The following PAK1 variants were observed in gnomAD, a reference collection of about 807,000 sequenced individuals.
PAK1 encodes serine/threonine-protein kinase PAK 1.
Under a neutral mutation model 67.4 loss-of-function variants are expected in PAK1, and 29 were observed. That is an observed-to-expected ratio of 0.43 (90% CI 0.32 to 0.59). PAK1 has a LOEUF of 0.59. PAK1 is among the 20% of genes least tolerant of loss of function. The pLI is 0.07. For missense variants in PAK1, 337 were observed against 670.7 expected, an observed-to-expected ratio of 0.50 and a Z score of 5.50; for synonymous variants, 223 against 237.4, an observed-to-expected ratio of 0.94 and a Z score of 0.56.
chr11:77,331,338 A>G (rs1941465331), intron 14 of PAK1, among the ~76,000 whole-genome samples: 1 of 152,258 alleles, frequency 6.6e-6, no homozygotes, highest in Non-Finnish European at 1.5e-5. Context: ...ATGCACACGT[A>G]TGTTTATAGT....
upstream of PAK1, chr11:77,476,936 TG>T (rs1290942384): frequency 1.3e-5 from 2 of 152,164 alleles, no homozygotes; most frequent in Non-Finnish European, 2.9e-5. Context: ...GAGCCGAGAT[TG>T]CGCCATTGCA....
chr11:77,341,868 A>G (rs1195313001), intron 10 of PAK1, among the ~76,000 whole-genome samples: 1 of 152,238 alleles, frequency 6.6e-6, no homozygotes, highest in Non-Finnish European at 1.5e-5. Flanking sequence ...ACTAATCGAC[A>G]GCTCTTTCCA....
the PAK1 span, among the ~76,000 whole-genome samples, chr11:77,494,859 C>A: frequency 1.3e-5 from 2 of 151,926 alleles, no homozygotes; most frequent in Non-Finnish European, 2.9e-5. Context: ...CATCTATATA[C>A]AAAATTAAAA....
intron 3 of PAK1, 75 bp downstream of exon 3, chr11:77,379,819 G>A: frequency 2.0e-6 from 2 of 982,214 alleles, no homozygotes; most frequent in Non-Finnish European, 3.1e-6. Flanking sequence ...TCAGGAAGAT[G>A]AGAAAGGGTT....
chr11:77,418,854 C>G (rs1955109098), intron 1 of PAK1, among the ~76,000 whole-genome samples: 1 of 152,138 alleles, frequency 6.6e-6, no homozygotes, highest in African/African-American at 2.4e-5. Context: ...GGGAAGTTGG[C>G]AAATACAAAA....
At chr11:77,365,980 G>C (rs1337525593) in intron 5 of PAK1, among the ~76,000 whole-genome samples, 1 of 152,122 alleles carries the variant, frequency 6.6e-6, no homozygotes, top group African/African-American at 2.4e-5. Context: ...GCTGACTGCT[G>C]ATCAGAGTAT....
the PAK1 span, among the ~76,000 whole-genome samples, chr11:77,496,319 A>G: frequency 6.6e-6 from 1 of 152,084 alleles, no homozygotes; most frequent in Non-Finnish European, 1.5e-5. Flanking sequence ...CCTGGCCTGT[A>G]TTTTTTAACT....
chr11:77,512,472 A>G, the PAK1 span, among the ~76,000 whole-genome samples: 5 of 152,154 alleles, frequency 3.3e-5, no homozygotes, highest in African/African-American at 1.2e-4. Flanking sequence ...CTACTGGTAC[A>G]GGCCAGGAGT....
intron 1 of PAK1, among the ~76,000 whole-genome samples, chr11:77,402,453 C>A (rs912622450): frequency 6.6e-6 from 1 of 152,198 alleles, no homozygotes; most frequent in Non-Finnish European, 1.5e-5. Context: ...TGCCTACCAT[C>A]TTGGGAAATT....
chr11:77,493,925 T>A, the PAK1 span, among the ~76,000 whole-genome samples: 1 of 152,224 alleles, frequency 6.6e-6, no homozygotes, highest in Non-Finnish European at 1.5e-5. Flanking sequence ...TTTGGTTTGA[T>A]GTGTTTAAGA....
intron 1 of PAK1, among the ~76,000 whole-genome samples, chr11:77,430,875 G>C (rs1006124969): frequency 2.0e-5 from 3 of 152,222 alleles, no homozygotes; most frequent in African/African-American, 7.2e-5. Flanking sequence ...ACCATGGCCT[G>C]TTAGGAACTG....
the PAK1 span, among the ~76,000 whole-genome samples, chr11:77,484,831 C>T: frequency 1.3e-5 from 2 of 152,296 alleles, no homozygotes; most frequent in Non-Finnish European, 2.9e-5. Context: ...TAAAGACATA[C>T]CTGAGACTGG....
At chr11:77,379,521 C>T (rs1174722274) in intron 3 of PAK1, 133 bp from the exon 4 acceptor site, 5 of 752,034 alleles carry the variant, frequency 6.6e-6, no homozygotes, top group Non-Finnish European at 1.1e-5. Context: ...TCTATACTCT[C>T]AGAGTTTACA....
intron 14 of PAK1, among the ~76,000 whole-genome samples, chr11:77,331,336 G>T (rs1414095213): frequency 6.6e-6 from 1 of 152,168 alleles, no homozygotes; most frequent in African/African-American, 2.4e-5. Context: ...ACATGCACAC[G>T]TATGTTTATA....
In PAK1 at chr11:77,349,267, G is replaced by A; in HGVS notation, c.857C>T (p.Thr286Ile). The stretch of plus-strand genomic sequence containing the variant: ...CTGTCCTGTGGCCACATCCATTGCT[G>A]TGTACACGGTGCCTGAAGCACTGAA... ...IGQGASGTVY[T>I]AMDVATGQEV... The change falls in exon 9 of 15, where the codon ACA becomes ATA. Residue 286 changes from threonine to isoleucine, a missense_variant. Physicochemically the swap from Thr to Ile is moderately conservative, Grantham distance 89. Coordinates refer to ENST00000356341, the MANE Select transcript of PAK1 (RefSeq NM_002576.5). 1.2e-6 allele frequency: 2 copies of A among 1,600,692 alleles called. No homozygotes were observed. Among genetic ancestry groups the A allele is most frequent in the Non-Finnish European group, 1.7e-6 (2 of 1,172,906 alleles).
chr11:77,456,645 C>T (rs765310506), intron 1 of PAK1, among the ~76,000 whole-genome samples: 3 of 152,174 alleles, frequency 2.0e-5, no homozygotes, highest in Non-Finnish European at 4.4e-5. Context: ...TTGTTAAGGA[C>T]TTCTTATGTG....
At chr11:77,349,089 C>A in intron 9 of PAK1, 150 bp downstream of exon 9, 1 of 598,686 alleles carries the variant, frequency 1.7e-6, no homozygotes, top group Non-Finnish European at 2.9e-6. Flanking sequence ...CACGCCACTG[C>A]ACTCCAGCCT....
chr11:77,356,818 G>A (rs1946095689), intron 6 of PAK1, among the ~76,000 whole-genome samples: 1 of 152,068 alleles, frequency 6.6e-6, no homozygotes, highest in Admixed American at 6.6e-5. Flanking sequence ...TAACTACAAG[G>A]CAGAAAGTGA....
intron 11 of PAK1, among the ~76,000 whole-genome samples, chr11:77,339,407 G>A (rs1290803034): frequency 6.6e-6 from 1 of 151,904 alleles, no homozygotes; most frequent in Admixed American, 6.6e-5. Flanking sequence ...ACAATTTCAT[G>A]GCAGGGAGTA....
Sources: allele counts gnomAD v4.1 joint callset (sites outside exome capture counted in the v4.1 genomes callset), GRCh38; gene constraint gnomAD v4.1.1; transcripts MANE v1.5; gene names NCBI Gene and HGNC (gene_info 2026-07-23, HGNC 2026-07-21).